Variants in WHRN observed in about 807,000 individuals in gnomAD.
WHRN encodes the protein whirlin.
In WHRN, 41 loss-of-function variants were observed where a neutral mutation model predicts 68.3. The observed-to-expected ratio is 0.60, with a 90% confidence interval of 0.47 to 0.78. The LOEUF is 0.78. WHRN is among the 30% of genes least tolerant of loss of function. The probability of loss-of-function intolerance (pLI) is 0.00; values close to 1 mark genes in which losing one functional copy is unlikely to be tolerated. For missense variants in WHRN, 1,243 were observed against 1,244.7 expected, an observed-to-expected ratio of 1.00 and a Z score of 0.02; for synonymous variants, 560 against 561.3, an observed-to-expected ratio of 1.00 and a Z score of 0.03.
chr9:114,466,370 C>G lies in WHRN; in HGVS notation c.860G>C (p.Gly287Ala). The G allele has an allele frequency of 6.2e-7, 1 of 1,614,096 alleles. No homozygotes were observed. The highest frequency in any genetic ancestry group is 8.5e-7 in the Non-Finnish European group (1 of 1,180,034). The change falls in exon 3 of 12, where the codon GGC (glycine) becomes GCC (alanine). Residue 287 changes from glycine to alanine, a missense_variant. Physicochemically the swap from Gly to Ala is moderately conservative, Grantham distance 60. Transcript: ENST00000362057. ...EKKVNLVLGDGRSLGLTIRGG... is the reference protein window; with the variant it reads ...EKKVNLVLGDARSLGLTIRGG... ...ACGGATCGTGAGGCCCAGGGACCGGCCGTCCCCCAGCACCAGGTTCACCTG... is the reference window on the plus strand; with the variant it reads ...ACGGATCGTGAGGCCCAGGGACCGGGCGTCCCCCAGCACCAGGTTCACCTG...
chr9:114,489,889 A>G (rs1842840164), intron 1 of WHRN, among the ~76,000 whole-genome samples: 1 of 136,556 alleles, frequency 7.3e-6, no homozygotes, highest in Non-Finnish European at 1.7e-5. Context: ...GCAGCTACTG[A>G]GTTTGGTCTA....
chr9:114,485,855 A>T (rs566744048), intron 1 of WHRN, among the ~76,000 whole-genome samples: 318 of 150,416 alleles, frequency 2.1e-3, no homozygotes, highest in Middle Eastern at 0.01. Flanking sequence ...TTTTTTTTTA[A>T]AATTTAAAAT....
At chr9:114,501,268 A>T (rs936979021) in intron 1 of WHRN, among the ~76,000 whole-genome samples, 3 of 152,146 alleles carry the variant, frequency 2.0e-5, no homozygotes, top group Non-Finnish European at 4.4e-5. Flanking sequence ...ATTTTTTCAA[A>T]AATCAAACAT....
chr9:114,422,868 C>A lies in WHRN; in HGVS notation c.1626+446G>T, dbSNP rs561206187. Reference sequence around the variant, plus strand: ...AAAAGAAAGTCAAACTGGGCTTGGGCTCCAGAGACAAAAGGGTGGCCTCTT... The same window carrying A: ...AAAAGAAAGTCAAACTGGGCTTGGGATCCAGAGACAAAAGGGTGGCCTCTT... On this transcript the variant is annotated intron_variant, in intron 7 of 11. Transcript: ENST00000362057. Among the ~76,000 whole-genome samples the A allele has an allele frequency of 2.0e-5, 3 of 152,176 alleles. No individual in the cohort carries two copies. In the South Asian group the frequency reaches 6.2e-4, roughly 32 times the overall value.
At chr9:114,478,405 A>C (rs1343761398) in intron 2 of WHRN, 148 bp downstream of exon 2, 5 of 867,220 alleles carry the variant, frequency 5.8e-6, no homozygotes, top group Non-Finnish European at 9.7e-6. Context: ...GCAAAGAAAA[A>C]ACACCACCCT....
intron 2 of WHRN, among the ~76,000 whole-genome samples, chr9:114,469,439 A>C (rs920700674): frequency 1.3e-5 from 2 of 152,222 alleles, no homozygotes; most frequent in African/African-American, 4.8e-5. Flanking sequence ...CTCCCCCTCC[A>C]GGACCAAGGC....
intron 3 of WHRN, among the ~76,000 whole-genome samples, chr9:114,453,470 A>G (rs1280304810): frequency 2.6e-5 from 4 of 152,196 alleles, no homozygotes; most frequent in Non-Finnish European, 5.9e-5. Flanking sequence ...TATTTGTTTA[A>G]TAAGGATCCT....
Position 114,426,301 on chromosome 9 carries a change from A to T in WHRN, c.1076T>A (p.Val359Asp). ...GGTGCGGGCATGGGGCAGCCTCCCG[A>T]CGTCCTTCACTGTCAGGATGAGGTG... ...SRHLILTVKD[V>D]GRLPHARTTV... The change falls in exon 4 of 12, where the codon GTC (valine) becomes GAC (aspartate). Residue 359 changes from valine to aspartate, a missense_variant. By Grantham distance (152) the Val-to-Asp change is radical. Transcript: ENST00000362057. 5.0e-6 allele frequency: 8 copies of T among 1,613,706 alleles called. No homozygotes were observed. Among genetic ancestry groups the T allele is most frequent in the Non-Finnish European group, 6.8e-6 (8 of 1,180,032 alleles).
At chr9:114,406,125 C>A (rs533655066) in intron 9 of WHRN, among the ~76,000 whole-genome samples, 2 of 152,360 alleles carry the variant, frequency 1.3e-5, no homozygotes, top group Middle Eastern at 3.4e-3. Context: ...ACTGTTATCT[C>A]CATTTTATGA....
At chr9:114,426,064 A>AG in intron 4 of WHRN, 147 bp downstream of exon 4, 2 of 980,010 alleles carry the variant, frequency 2.0e-6, no homozygotes, top group Non-Finnish European at 3.1e-6. Context: ...GGATGTGCCC[A>AG]GGTCATGTCC....
In WHRN at chr9:114,419,562, G is replaced by A. The variant is rs10982210; in HGVS notation, c.1626+3752C>T. On this transcript the variant is annotated intron_variant, in intron 7 of 11. Coordinates refer to ENST00000362057, the MANE Select transcript of WHRN (RefSeq NM_015404.4). ...AGGAAGCCCGGGGGCAAGAGGAGCC[G>A]TGGCCTGAAAGTCACTCCCCTTGGG... 7.1e-3 allele frequency among the ~76,000 whole-genome samples: 1,078 copies of A among 152,352 alleles called. 12 individuals are homozygous for A. The highest frequency in any genetic ancestry group is 0.036 in the East Asian group (189 of 5,186).
chr9:114,466,531 G>C, intron 2 of WHRN, 139 bp from the exon 3 acceptor site: 2 of 1,244,232 alleles, frequency 1.6e-6, no homozygotes, highest in Non-Finnish European at 2.3e-6. Flanking sequence ...AGGCCTGGAA[G>C]ATACCCTAGA....
At chr9:114,458,768 T>C (rs948819555) in intron 3 of WHRN, among the ~76,000 whole-genome samples, 4 of 151,080 alleles carry the variant, frequency 2.6e-5, no homozygotes, top group African/African-American at 9.7e-5. Context: ...ATGGGGAGGG[T>C]GGGAGTGGGA....
At chr9:114,415,067 C>A (rs769834084) in intron 7 of WHRN, among the ~76,000 whole-genome samples, 1 of 152,110 alleles carries the variant, frequency 6.6e-6, no homozygotes, top group Non-Finnish European at 1.5e-5. Context: ...GAGGCCAAGG[C>A]GGGAGGATCC....
intron 1 of WHRN, chr9:114,503,073 A>G: frequency 1.1e-6 from 1 of 947,010 alleles, no homozygotes; most frequent in Non-Finnish European, 1.3e-6. Flanking sequence ...AGCCAACATC[A>G]GGTGCACAGC....
chr9:114,422,479 G>A (rs1173989346), intron 7 of WHRN, among the ~76,000 whole-genome samples: 9 of 152,132 alleles, frequency 5.9e-5, no homozygotes, highest in Non-Finnish European at 1.3e-4. Context: ...AGCATCCAGG[G>A]GGCAGAACCA....
At chr9:114,460,943 T>C (rs190619454) in intron 3 of WHRN, among the ~76,000 whole-genome samples, 16 of 152,350 alleles carry the variant, frequency 1.1e-4, no homozygotes, top group Non-Finnish European at 1.9e-4. Flanking sequence ...ACAGAATTAA[T>C]CAGTCCTGGA....
rs1239292142 is a variant in WHRN at position 114,440,461 on chromosome 9, A to T, written c.964-14048T>A. Among the ~76,000 whole-genome samples the T allele has an allele frequency of 2.0e-5, 3 of 152,138 alleles. No homozygotes were observed. The East Asian group carries it at 5.8e-4, about 29-fold the overall frequency. On this transcript the variant is annotated intron_variant, in intron 3 of 11. Coordinates refer to ENST00000362057, the MANE Select transcript of WHRN (RefSeq NM_015404.4). Reference sequence around the variant, plus strand: ...ACCATGTTAGCTAGGCTGGTCTCAAACTCCTGACCTCAGGTGATCCGCCCA... The same window carrying T: ...ACCATGTTAGCTAGGCTGGTCTCAATCTCCTGACCTCAGGTGATCCGCCCA...
intron 3 of WHRN, among the ~76,000 whole-genome samples, chr9:114,446,822 C>T (rs994739861): frequency 1.3e-5 from 2 of 152,118 alleles, no homozygotes; most frequent in African/African-American, 4.8e-5. Flanking sequence ...CCTAGTGCCA[C>T]GTGCATCCCT....
Sources: gnomAD v4.1 joint callset for allele counts (sites outside exome capture counted in the v4.1 genomes callset) on GRCh38, gnomAD v4.1.1 for gene constraint, MANE v1.5 for transcripts, NCBI Gene and HGNC (gene_info 2026-07-23, HGNC 2026-07-21) for gene names.